The following OR10J1 variants were observed in gnomAD, a reference collection of about 807,000 sequenced individuals.
OR10J1 encodes the protein olfactory receptor family 10 subfamily J member 1, also known as olfactory receptor 10J1.
For synonymous variants in OR10J1, 202 were observed against 143.8 expected (o/e 1.40, Z -2.89); for missense variants, 474 against 376.6 (o/e 1.26, Z -2.14).
At chr1:159,433,738 T>A (rs1405192678), upstream of OR10J1, among the ~76,000 whole-genome samples, 1 of 152,236 alleles carries the variant, frequency 6.6e-6, no homozygotes, top group Non-Finnish European at 1.5e-5. Context: ...AACCTTATTT[T>A]AGGCTCTGCT....
the OR10J1 span, among the ~76,000 whole-genome samples, chr1:159,412,927 C>T: frequency 3.3e-5 from 5 of 151,908 alleles, no homozygotes; most frequent in East Asian, 9.7e-4. Context: ...AAAATTTTCA[C>T]AACCTACTCA....
the OR10J1 span, among the ~76,000 whole-genome samples, chr1:159,417,850 T>C: frequency 1.3e-5 from 2 of 152,208 alleles, no homozygotes; most frequent in African/African-American, 2.4e-5. Flanking sequence ...ACCAAAATTC[T>C]TATAATGATA....
the OR10J1 span, among the ~76,000 whole-genome samples, chr1:159,407,082 A>G: frequency 1.3e-5 from 2 of 152,200 alleles, no homozygotes; most frequent in African/African-American, 4.8e-5. Flanking sequence ...CATTTCACAC[A>G]TAAGTGAATA....
the OR10J1 span, among the ~76,000 whole-genome samples, chr1:159,418,204 T>C: frequency 2.0e-5 from 3 of 152,192 alleles, no homozygotes; most frequent in Non-Finnish European, 2.9e-5. Context: ...GGAGAAGTTT[T>C]CTTAAGTAAC....
chr1:159,411,269 C>T, the OR10J1 span, among the ~76,000 whole-genome samples: 19 of 152,158 alleles, frequency 1.2e-4, no homozygotes, highest in Admixed American at 2.6e-4. Flanking sequence ...CTTTCTGTCT[C>T]GTTGATCTGT....
chr1:159,398,886 A>T, the OR10J1 span, among the ~76,000 whole-genome samples: 1 of 152,160 alleles, frequency 6.6e-6, no homozygotes, highest in African/African-American at 2.4e-5. Flanking sequence ...AAAGGATTAT[A>T]ACAGAGAACT....
chr1:159,439,968 G>T lies in OR10J1; in HGVS notation c.177G>T (p.Met59Ile), dbSNP rs1655871316. 6.2e-7 allele frequency: 1 copy of T among 1,614,080 alleles called. No homozygotes were observed. The highest frequency in any genetic ancestry group is 1.1e-5 in the South Asian group (1 of 91,082). The part of the protein sequence containing the change: ...IRMDLHLHTP[M>I]YFFLSMLSTS... ...TGGATCTTCATCTTCACACACCCAT[G>T]TACTTCTTCCTGAGCATGCTGTCCA... Residue 59 changes from methionine to isoleucine, a missense_variant, in exon 1 of 1, where the codon ATG becomes ATT. Met to Ile is a conservative substitution (Grantham distance 10). Transcript: ENST00000423932.
chr1:159,421,821 C>T, the OR10J1 span, among the ~76,000 whole-genome samples: 2 of 152,190 alleles, frequency 1.3e-5, no homozygotes, highest in Middle Eastern at 3.4e-3. Context: ...CCCATGGTGA[C>T]GTACGCTGGC....
At chr1:159,431,015 C>T in the OR10J1 span, among the ~76,000 whole-genome samples, 1 of 152,074 alleles carries the variant, frequency 6.6e-6, no homozygotes, top group South Asian at 2.1e-4. Flanking sequence ...CTTATAGTTA[C>T]TAGTGTTTTA....
At chr1:159,406,050 G>C in the OR10J1 span, 1 of 424,278 alleles carries the variant, frequency 2.4e-6, no homozygotes, top group Non-Finnish European at 4.6e-6. Flanking sequence ...GATGCCAAAA[G>C]TCACATAGAA....
the OR10J1 span, among the ~76,000 whole-genome samples, chr1:159,424,811 C>G: frequency 6.6e-6 from 1 of 152,018 alleles, no homozygotes; most frequent in Admixed American, 6.6e-5. Flanking sequence ...AGAACAGCAT[C>G]AAGGAAAACA....
At chr1:159,411,843 T>C in the OR10J1 span, among the ~76,000 whole-genome samples, 1 of 151,930 alleles carries the variant, frequency 6.6e-6, no homozygotes, top group East Asian at 1.9e-4. Context: ...CCAGGGCAGT[T>C]AGGCAGGAGA....
chr1:159,430,675 G>A, the OR10J1 span, among the ~76,000 whole-genome samples: 21 of 149,262 alleles, frequency 1.4e-4, no homozygotes, highest in East Asian at 7.9e-4. Flanking sequence ...GTGTGCGCGC[G>A]CGCACATGTT....
At position 159,439,898 on chromosome 1, in the gene OR10J1, T is replaced by A. The variant is rs758028749; in HGVS notation, c.107T>A (p.Ile36Asn). 1.2e-6 allele frequency: 2 copies of A among 1,614,162 alleles called. No homozygotes were observed. The highest frequency in any genetic ancestry group is 1.7e-6 in the Non-Finnish European group (2 of 1,180,026). ...TLFGVFLALY[I>N]LTLAGNIIIV... ...TTTGGCGTGTTCCTTGCACTATACATCTTAACCTTAGCAGGCAATATCATC... is the reference window on the plus strand; with the variant it reads ...TTTGGCGTGTTCCTTGCACTATACAACTTAACCTTAGCAGGCAATATCATC... The change falls in exon 1 of 1, where the codon ATC becomes AAC. Residue 36 changes from isoleucine (I) to asparagine (N), a missense_variant. Ile to Asn is a moderately radical substitution (Grantham distance 149, BLOSUM62 -3). Coordinates refer to ENST00000423932, the MANE Select transcript of OR10J1 (RefSeq NM_012351.3).
At chr1:159,427,408 C>A in the OR10J1 span, among the ~76,000 whole-genome samples, 3 of 151,710 alleles carry the variant, frequency 2.0e-5, no homozygotes, top group Non-Finnish European at 2.9e-5. Context: ...AAACCCCTAA[C>A]AGCCATGATC....
At chr1:159,432,960 A>G, upstream of OR10J1, 3 of 432,352 alleles carry the variant, frequency 6.9e-6, no homozygotes, top group Admixed American at 3.8e-5. Flanking sequence ...ATTGTCCACT[A>G]TGGCCGTACT....
the OR10J1 span, among the ~76,000 whole-genome samples, chr1:159,424,028 A>G: frequency 6.6e-6 from 1 of 152,170 alleles, no homozygotes; most frequent in Non-Finnish European, 1.5e-5. Flanking sequence ...CAGCCTGGCC[A>G]AGATGGTGAA....
the OR10J1 span, among the ~76,000 whole-genome samples, chr1:159,413,545 T>C: frequency 6.6e-6 from 1 of 152,100 alleles, no homozygotes; most frequent in Non-Finnish European, 1.5e-5. Flanking sequence ...TGCAGGGACA[T>C]GGATGAAATG....
At chr1:159,407,975 T>C in the OR10J1 span, among the ~76,000 whole-genome samples, 342 of 152,106 alleles carry the variant, frequency 2.2e-3, 17 homozygotes, top group East Asian at 0.061. Context: ...GAGCTTAGTG[T>C]AGGATGATAT....
Sources: gnomAD v4.1 joint callset for allele counts (sites outside exome capture counted in the v4.1 genomes callset) on GRCh38, gnomAD v4.1.1 for gene constraint, MANE v1.5 for transcripts, NCBI Gene and HGNC (gene_info 2026-07-23, HGNC 2026-07-21) for gene names.